The following RFC3 variants were observed in gnomAD, a reference collection of about 807,000 sequenced individuals.
RFC3 encodes the protein replication factor C subunit 3, also known as A1 38 kDa subunit.
RFC3 carries 41 observed loss-of-function variants against 45.1 expected under a neutral mutation model. The ratio of observed to expected loss-of-function variants is 0.91; its 90% confidence interval spans 0.71 to 1.18. The LOEUF is 1.18. Among genes scored for constraint, RFC3 ranks in the 50% most tolerant of loss-of-function variants. The pLI is 0.00. For synonymous variants in RFC3, 149 were observed against 144.0 expected (o/e 1.03, Z -0.25); for missense variants, 423 against 428.1 (o/e 0.99, Z 0.10).
rs542691013 is a variant in RFC3, at chr13:33,897,553, A to G, written c.879+62336A>G. On this transcript the variant is annotated intron_variant, in intron 8 of 8. Transcript: ENST00000434425. ...AGAAAATAAGCAATAAAATGGCAGT[A>G]GTAAGTTCTTACTTATCAATATTAA... Among the ~76,000 whole-genome samples the G allele has an allele frequency of 2.0e-4, 31 of 152,270 alleles. 1 individual carries two copies. Among genetic ancestry groups the G allele is most frequent in the Admixed American group, 2.0e-3 (31 of 15,286 alleles).
At chr13:33,885,379 T>G (rs2082514115) in intron 8 of RFC3, among the ~76,000 whole-genome samples, 1 of 152,228 alleles carries the variant, frequency 6.6e-6, no homozygotes, top group South Asian at 2.1e-4. Context: ...AAGTACGGTT[T>G]TGTTACATGC....
At chr13:33,918,623 G>A (rs2082748045) in intron 8 of RFC3, among the ~76,000 whole-genome samples, 1 of 152,116 alleles carries the variant, frequency 6.6e-6, no homozygotes, top group South Asian at 2.1e-4. Context: ...CTTGTGACTT[G>A]CAAGAAACCT....
intron 8 of RFC3, among the ~76,000 whole-genome samples, chr13:33,863,924 C>T (rs1047534327): frequency 1.2e-4 from 18 of 152,098 alleles, no homozygotes; most frequent in African/African-American, 4.3e-4. Flanking sequence ...CGTATTTAGT[C>T]CATTTGCACT....
At chr13:33,872,388 A>T (rs1028161426) in intron 8 of RFC3, among the ~76,000 whole-genome samples, 3 of 152,364 alleles carry the variant, frequency 2.0e-5, no homozygotes, top group Middle Eastern at 3.4e-3. Context: ...TTTACAACTT[A>T]TATGAACTTT....
At chr13:33,834,314 ATATATATATATATATATCTGTACTGT>A in intron 7 of RFC3, among the ~76,000 whole-genome samples, 1 of 127,762 alleles carries the variant, frequency 7.8e-6, no homozygotes, top group East Asian at 2.4e-4. Context: ...ATATATATAT[ATATATATATATATATATCTGTACTGT>A]AAAAATTCAG....
intron 8 of RFC3, among the ~76,000 whole-genome samples, chr13:33,892,935 A>G (rs769083226): frequency 2.6e-5 from 4 of 152,136 alleles, no homozygotes; most frequent in African/African-American, 7.2e-5. Context: ...CACAATTTCT[A>G]CACTCAAAAA....
intron 8 of RFC3, among the ~76,000 whole-genome samples, chr13:33,852,341 T>A (rs1261681616): frequency 1.3e-5 from 2 of 152,188 alleles, no homozygotes; most frequent in Non-Finnish European, 1.5e-5. Context: ...AGAATGAGCC[T>A]ATGTGTAAGT....
intron 8 of RFC3, among the ~76,000 whole-genome samples, chr13:33,890,950 CAG>C (rs2082559813): frequency 6.6e-6 from 1 of 152,140 alleles, no homozygotes; most frequent in Admixed American, 6.5e-5. Flanking sequence ...AGCTAGGAGA[CAG>C]AATATTATTG....
intron 8 of RFC3, among the ~76,000 whole-genome samples, chr13:33,904,556 C>A (rs1317592274): frequency 6.6e-6 from 1 of 152,032 alleles, no homozygotes; most frequent in Non-Finnish European, 1.5e-5. Flanking sequence ...TCACATTAAT[C>A]CATCTTCCTG....
intron 8 of RFC3, among the ~76,000 whole-genome samples, chr13:33,930,418 G>T (rs1392124084): frequency 6.6e-6 from 1 of 152,116 alleles, no homozygotes; most frequent in African/African-American, 2.4e-5. Flanking sequence ...AGGGCAAGGA[G>T]CATCTAGCAC....
intron 8 of RFC3, among the ~76,000 whole-genome samples, chr13:33,895,970 G>A (rs1174170173): frequency 6.6e-6 from 1 of 152,088 alleles, no homozygotes; most frequent in African/African-American, 2.4e-5. Flanking sequence ...GTATGCAAAG[G>A]CATACACAGT....
In RFC3 at chr13:33,895,709, T is replaced by G. The variant is rs781127908; in HGVS notation, c.879+60492T>G. The stretch of plus-strand genomic sequence containing the variant: ...TATCATAAAGACAGCTGCACACATA[T>G]GTTTACTTCAGCACAATTCATAATT... On this transcript the variant is annotated intron_variant, in intron 8 of 8. Coordinates refer to the RFC3 transcript ENST00000434425. Among the ~76,000 whole-genome samples the G allele has an allele frequency of 3.7e-4, 57 of 152,168 alleles. 1 individual carries two copies. Among genetic ancestry groups the G allele is most frequent in the Non-Finnish European group, 7.5e-4 (51 of 68,020 alleles).
chr13:33,900,580 G>A (rs947229288), intron 8 of RFC3, among the ~76,000 whole-genome samples: 2 of 151,690 alleles, frequency 1.3e-5, no homozygotes, highest in Non-Finnish European at 2.9e-5. Flanking sequence ...TATGAAATTA[G>A]TAGAAGAAAA....
At chr13:33,969,681 C>T (rs1485661512), downstream of RFC3, among the ~76,000 whole-genome samples, 1 of 152,144 alleles carries the variant, frequency 6.6e-6, no homozygotes, top group Non-Finnish European at 1.5e-5. Context: ...AGGAGACTTG[C>T]ATCTTAGTCC....
intron 8 of RFC3, among the ~76,000 whole-genome samples, chr13:33,954,755 A>G (rs1200299522): frequency 6.6e-6 from 1 of 152,170 alleles, no homozygotes; most frequent in African/African-American, 2.4e-5. Context: ...GAATTCCCTT[A>G]TAAAATCACT....
At chr13:33,949,191 A>C (rs1014435445) in intron 8 of RFC3, among the ~76,000 whole-genome samples, 6 of 151,978 alleles carry the variant, frequency 3.9e-5, no homozygotes, top group African/African-American at 1.5e-4. Flanking sequence ...TAATGAGTGA[A>C]TCTCACAAGA....
chr13:33,932,008 G>T (rs954111856), intron 8 of RFC3, among the ~76,000 whole-genome samples: 2 of 152,042 alleles, frequency 1.3e-5, no homozygotes, highest in African/African-American at 4.8e-5. Flanking sequence ...TGTATTCTGA[G>T]ACTATTTATA....
intron 8 of RFC3, among the ~76,000 whole-genome samples, chr13:33,934,174 GAAAA>G (rs200503031): frequency 6.9e-6 from 1 of 144,032 alleles, no homozygotes; most frequent in African/African-American, 2.5e-5. Flanking sequence ...TCTACTAAAA[GAAAA>G]AAAAAAAATC....
chr13:33,882,022 G>C (rs1035047293), intron 8 of RFC3, among the ~76,000 whole-genome samples: 1 of 152,112 alleles, frequency 6.6e-6, no homozygotes, highest in African/African-American at 2.4e-5. Flanking sequence ...TTGAATCTTA[G>C]CTAACTTCTC....
Sources: allele counts gnomAD v4.1 joint callset (sites outside exome capture counted in the v4.1 genomes callset), GRCh38; gene constraint gnomAD v4.1.1; transcripts MANE v1.5; gene names NCBI Gene and HGNC (gene_info 2026-07-23, HGNC 2026-07-21).